Variants in EPHA6 observed in about 807,000 individuals in gnomAD.
EPHA6 encodes ephrin type-A receptor 6.
EPHA6 carries 50 observed loss-of-function variants against 112.0 expected under a neutral mutation model. The observed-to-expected ratio is 0.45, with a 90% CI of 0.36 to 0.56. EPHA6 has a LOEUF of 0.56. Ranked by LOEUF, EPHA6 falls within the 20% of genes least tolerant of loss-of-function variation. The probability of loss-of-function intolerance (pLI) is 0.00; values close to 1 mark genes in which losing one functional copy is unlikely to be tolerated. For synonymous variants in EPHA6, 529 were observed against 490.7 expected (o/e 1.08, Z -1.03); for missense variants, 1,280 against 1,417.4 (o/e 0.90, Z 1.56).
chr3:97,029,027 A>G (rs1203085532), intron 3 of EPHA6, among the ~76,000 whole-genome samples: 1 of 151,640 alleles, frequency 6.6e-6, no homozygotes, highest in Admixed American at 6.6e-5. Flanking sequence ...AAATAAAAAC[A>G]AAAGTTAGAA....
intron 3 of EPHA6, among the ~76,000 whole-genome samples, chr3:97,022,769 G>A (rs1352857440): frequency 6.6e-6 from 1 of 152,094 alleles, no homozygotes; most frequent in East Asian, 1.9e-4. Flanking sequence ...CACTTCTTGG[G>A]TCACTGAAAG....
At chr3:97,411,961 CT>C (rs1334574852) in intron 6 of EPHA6, among the ~76,000 whole-genome samples, 1 of 152,014 alleles carries the variant, frequency 6.6e-6, no homozygotes, top group African/African-American at 2.4e-5. Flanking sequence ...GTTCTTTCCT[CT>C]GGGCATAGGG....
intron 3 of EPHA6, among the ~76,000 whole-genome samples, chr3:97,070,871 C>G (rs2046328640): frequency 6.6e-6 from 1 of 152,048 alleles, no homozygotes; most frequent in African/African-American, 2.4e-5. Context: ...TCAAAGTTTT[C>G]TATCAAATTT....
rs534241158 is a variant in EPHA6, at chr3:97,748,764, C to G, written c.*63C>G. 1 of 833,594 alleles carries G rather than the reference C, an allele frequency of 1.2e-6. No homozygotes were observed. The highest frequency in any genetic ancestry group is 1.7e-5 in the African/African-American group (1 of 59,710). 51.6% of individuals were successfully genotyped at this position (833,594 alleles called of 1,614,324 possible). On this transcript the variant is annotated 3_prime_UTR_variant, in exon 18 of 18. Transcript: ENST00000389672. ...TCTAAAATGAACGATATCCTCTCTA[C>G]TACTCTCTCTTCTGATTCTCCAAAC...
chr3:96,817,850 G>A (rs777735815), intron 1 of EPHA6, among the ~76,000 whole-genome samples: 5 of 151,830 alleles, frequency 3.3e-5, no homozygotes, highest in Non-Finnish European at 7.4e-5. Flanking sequence ...TTAACGTGGT[G>A]CAAACAGTAA....
chr3:96,864,637 G>T (rs2036202778), intron 1 of EPHA6, among the ~76,000 whole-genome samples: 1 of 151,968 alleles, frequency 6.6e-6, no homozygotes, highest in African/African-American at 2.4e-5. Context: ...ATGGATGTAG[G>T]AGTTTGTCAT....
intron 3 of EPHA6, among the ~76,000 whole-genome samples, chr3:97,139,650 C>G (rs961814321): frequency 1.3e-5 from 2 of 152,168 alleles, no homozygotes; most frequent in African/African-American, 2.4e-5. Context: ...CCCTACCCAA[C>G]ATGTGCAACA....
At chr3:97,090,728 C>T (rs1260189624) in intron 3 of EPHA6, among the ~76,000 whole-genome samples, 1 of 152,010 alleles carries the variant, frequency 6.6e-6, no homozygotes, top group Non-Finnish European at 1.5e-5. Context: ...CAATTTTAAA[C>T]ATTCTGTAAC....
intron 5 of EPHA6, among the ~76,000 whole-genome samples, chr3:97,312,296 G>A (rs909427226): frequency 6.6e-6 from 1 of 151,310 alleles, no homozygotes; most frequent in Non-Finnish European, 1.5e-5. Context: ...TACCAACTAG[G>A]ACCTCCAATA....
At chr3:97,015,874 C>A (rs1284780991) in intron 3 of EPHA6, among the ~76,000 whole-genome samples, 2 of 152,134 alleles carry the variant, frequency 1.3e-5, no homozygotes, top group Non-Finnish European at 2.9e-5. Context: ...AGCTGACGAT[C>A]TCTGGATAGT....
intron 9 of EPHA6, among the ~76,000 whole-genome samples, chr3:97,480,634 C>A (rs940525139): frequency 6.6e-6 from 1 of 152,218 alleles, no homozygotes; most frequent in African/African-American, 2.4e-5. Context: ...CTAATTCTTT[C>A]TACACAGACA....
At position 97,437,705 on chromosome 3, in the gene EPHA6, A is replaced by C. The variant is rs553779124; in HGVS notation, c.1732-10863A>C. Among the ~76,000 whole-genome samples the C allele has an allele frequency of 3.9e-5, 6 of 152,072 alleles. No homozygotes were observed. In the East Asian group the frequency reaches 1.2e-3, roughly 29 times the overall value. ...TTTTGTAGAAACGGGGTCTCACTAT[A>C]TTGCCAAGGCTGGTCTCAAATCCTG... is the stretch of plus-strand genomic sequence containing the variant. On this transcript the variant is annotated intron_variant, in intron 6 of 17. Transcript: ENST00000389672.
rs537697207 is a variant in EPHA6 at position 97,616,132 on chromosome 3, G to A, written c.2574+5278G>A. Among the ~76,000 whole-genome samples, 11 of 152,248 alleles carry A rather than the reference G, an allele frequency of 7.2e-5. No individual in the cohort carries two copies. In the South Asian group the frequency reaches 8.3e-4, roughly 11 times the overall value. The stretch of plus-strand genomic sequence containing the variant: ...CTCACAGAGGAAGGGCCATCTTTGC[G>A]GTTTCAGAGCCTTCACTGGTGATAC... On this transcript the variant is annotated intron_variant, in intron 13 of 17. Transcript: ENST00000389672.
chr3:97,679,007 A>G (rs1472018419), intron 14 of EPHA6, among the ~76,000 whole-genome samples: 4 of 152,066 alleles, frequency 2.6e-5, no homozygotes, highest in African/African-American at 9.7e-5. Flanking sequence ...GCTTAGTGTT[A>G]TTTCTGCCAT....
intron 1 of EPHA6, among the ~76,000 whole-genome samples, chr3:96,854,168 T>C (rs1186903130): frequency 6.6e-6 from 1 of 150,984 alleles, no homozygotes; most frequent in Non-Finnish European, 1.5e-5. Flanking sequence ...TTCAACTCTG[T>C]TTAATCATGA....
At chr3:97,020,968 G>A (rs931342568) in intron 3 of EPHA6, among the ~76,000 whole-genome samples, 1 of 151,926 alleles carries the variant, frequency 6.6e-6, no homozygotes, top group Non-Finnish European at 1.5e-5. Context: ...TGTTGATAAA[G>A]TGTTTTCTTC....
At chr3:96,860,017 T>G (rs1407839183) in intron 1 of EPHA6, among the ~76,000 whole-genome samples, 1 of 152,150 alleles carries the variant, frequency 6.6e-6, no homozygotes, top group Non-Finnish European at 1.5e-5. Context: ...AGTAGAAAAC[T>G]GGTATACCTT....
intron 9 of EPHA6, among the ~76,000 whole-genome samples, chr3:97,482,065 T>C (rs1366082568): frequency 1.3e-5 from 2 of 152,236 alleles, no homozygotes; most frequent in South Asian, 4.1e-4. Flanking sequence ...TAAGTTTAAA[T>C]TAGTAACCAG....
At chr3:97,501,691 T>G (rs1222817198) in intron 10 of EPHA6, among the ~76,000 whole-genome samples, 1 of 152,044 alleles carries the variant, frequency 6.6e-6, no homozygotes, top group Non-Finnish European at 1.5e-5. Flanking sequence ...TGTGATACTT[T>G]AGAAGTAAAT....
Sources: gnomAD v4.1 joint callset for allele counts (sites outside exome capture counted in the v4.1 genomes callset) on GRCh38, gnomAD v4.1.1 for gene constraint, MANE v1.5 for transcripts, NCBI Gene and HGNC (gene_info 2026-07-23, HGNC 2026-07-21) for gene names.